The following COL2A1 variants were observed in gnomAD, a reference collection of about 807,000 sequenced individuals.
COL2A1 encodes the protein collagen alpha-1(II) chain.
In COL2A1, 28 loss-of-function variants were observed where a neutral mutation model predicts 204.5. That is an observed-to-expected ratio of 0.14 (90% CI 0.10 to 0.19). The LOEUF (loss-of-function observed/expected upper bound fraction) is 0.19, where lower values mean the gene tolerates loss of function less well. Among genes scored for constraint, COL2A1 ranks in the 10% least tolerant of loss-of-function variants. The probability of loss-of-function intolerance (pLI) is 1.00; values close to 1 mark genes in which losing one functional copy is unlikely to be tolerated. For missense variants in COL2A1, 1,388 were observed against 2,027.5 expected (o/e 0.68, Z 6.06); for synonymous variants, 708 against 718.7 (o/e 0.99, Z 0.24).
chr12:47,987,751 G>A lies in COL2A1; in HGVS notation c.1123-42C>T. The A allele has an allele frequency of 1.3e-6, 2 of 1,486,770 alleles. No homozygotes were observed. The highest frequency in any genetic ancestry group is 1.8e-5 in the Admixed American group (1 of 56,314). The allele number at this position is 1,486,770 out of a possible 1,614,324, so 92.1% of individuals were successfully genotyped here. On this transcript the variant is annotated intron_variant, in intron 18 of 53. Transcript: ENST00000380518. This position sits in a 1 kb window ranked among gnomAD's most constrained non-coding sequence, Gnocchi z 4.1. ...AGGATGAAATGAAGAAGAAGAGAGG[G>A]GACACAGACCTCTAGTGGGTGGGCA...
At chr12:47,999,211 T>C (rs900399318) in intron 2 of COL2A1, among the ~76,000 whole-genome samples, 4 of 152,194 alleles carry the variant, frequency 2.6e-5, no homozygotes, top group Admixed American at 2.6e-4. Flanking sequence ...GTATGAATGC[T>C]GGGAAGGGGT....
rs1938698812 is a variant in COL2A1, at chr12:47,976,197, T to C, written c.3490-127A>G. 5 of 774,186 alleles carry C rather than the reference T, an allele frequency of 6.5e-6. No homozygotes were observed. In the Admixed American group the frequency reaches 9.5e-5, roughly 15 times the overall value. 48.0% of individuals were successfully genotyped at this position (774,186 alleles called of 1,614,324 possible). A position where few individuals can be genotyped will look rare whatever the true frequency, so the allele number is the denominator to read the frequency against. ...CGCCCCCAGTTCTTCACATGCTCAG[T>C]CATGGAACCCTAAGTTGGTCTCTAT... On this transcript the variant is annotated intron_variant, in intron 49 of 53. Coordinates refer to ENST00000380518, the MANE Select transcript of COL2A1 (RefSeq NM_001844.5). This position sits in a 1 kb window ranked among gnomAD's most constrained non-coding sequence, Gnocchi z 4.3.
Position 47,987,547 on chromosome 12 carries a change from A to T in COL2A1, c.1221+64T>A. The T allele has an allele frequency of 7.1e-7, 1 of 1,403,660 alleles. No individual in the cohort carries two copies. The highest frequency in any genetic ancestry group is 9.9e-7 in the Non-Finnish European group (1 of 1,006,392). 87.0% of individuals were successfully genotyped at this position (1,403,660 alleles called of 1,614,324 possible). On this transcript the variant is annotated intron_variant, in intron 19 of 53. Coordinates refer to ENST00000380518, the MANE Select transcript of COL2A1 (RefSeq NM_001844.5). This position sits in a 1 kb window ranked among gnomAD's most constrained non-coding sequence, Gnocchi z 4.1. Reference sequence around the variant, plus strand: ...GCCCACAACTGTCAGAGCAAAGTACAGAGTCAAGAGTTCCAAAGCCACAGA... The same window carrying T: ...GCCCACAACTGTCAGAGCAAAGTACTGAGTCAAGAGTTCCAAAGCCACAGA...
chr12:47,980,069 A>G lies in COL2A1; in HGVS notation c.2626-7T>C. 1 of 1,553,022 alleles carries G rather than the reference A, an allele frequency of 6.4e-7. No homozygotes were observed. The highest frequency in any genetic ancestry group is 8.7e-7 in the Non-Finnish European group (1 of 1,148,054). On this transcript the variant is annotated splice_region_variant and splice_polypyrimidine_tract_variant and intron_variant, in intron 39 of 53. Coordinates refer to ENST00000380518, the MANE Select transcript of COL2A1 (RefSeq NM_001844.5). The surrounding 1 kb of genome is among the most constrained non-coding windows in gnomAD (Gnocchi z 4.5). ...CAGTCACTCCAGTAGGACCCTGGAAAGGAAAGAGGGAGACAGTGAGGCCCA... is the reference window on the plus strand; with the variant it reads ...CAGTCACTCCAGTAGGACCCTGGAAGGGAAAGAGGGAGACAGTGAGGCCCA...
intron 18 of COL2A1, among the ~76,000 whole-genome samples, chr12:47,988,250 A>T (rs965075010): frequency 6.6e-6 from 1 of 152,108 alleles, no homozygotes; most frequent in Non-Finnish European, 1.5e-5. Flanking sequence ...CCAGAAAGCC[A>T]AGGCAAAAGC....
chr12:47,977,795 G>A (rs1938807069), intron 44 of COL2A1, 142 bp from the exon 45 acceptor site: 1 of 1,052,000 alleles, frequency 9.5e-7, no homozygotes, highest in African/African-American at 1.6e-5. Flanking sequence ...TCCTCACCAA[G>A]TTTCCCTCCT....
chr12:47,987,767 T>C lies in COL2A1; in HGVS notation c.1123-58A>G, dbSNP rs943571709. 6 of 1,396,170 alleles carry C rather than the reference T, an allele frequency of 4.3e-6. 1 individual carries two copies. Among genetic ancestry groups the C allele is most frequent in the Admixed American group, 1.9e-5 (1 of 53,972 alleles). 86.5% of individuals were successfully genotyped at this position (1,396,170 alleles called of 1,614,324 possible). ...GAAGAGAGGGGACACAGACCTCTAG[T>C]GGGTGGGCAATAGCTCAGGGCCAGC... On this transcript the variant is annotated intron_variant, in intron 18 of 53. Transcript: ENST00000380518. The surrounding 1 kb of genome is among the most constrained non-coding windows in gnomAD (Gnocchi z 4.1).
rs763297355 is a variant in COL2A1 at position 47,982,118 on chromosome 12, C to T, written c.2344G>A (p.Asp782Asn). Reference sequence around the variant, plus strand: ...CCGCATTCACTTACTCGTCCACCATCCTTTCCAGGGGCTCCCTCAGGGCCT... The same window carrying T: ...CCGCATTCACTTACTCGTCCACCATTCTTTCCAGGGGCTCCCTCAGGGCCT... The part of the protein sequence containing the change: ...EKGPEGAPGK[D>N]GGRGLTGPIG... The change falls in exon 35 of 54, where the codon GAT (aspartate) becomes AAT (asparagine). Residue 782 changes from aspartate to asparagine, a missense_variant. Asp to Asn is a conservative substitution (Grantham distance 23). This residue lies in a region of COL2A1 where 884 missense variants were observed against 1,415.8 expected (regional missense o/e 0.62). Coordinates refer to ENST00000380518, the MANE Select transcript of COL2A1 (RefSeq NM_001844.5). 1 of 1,614,118 alleles carries T rather than the reference C, an allele frequency of 6.2e-7. No homozygotes were observed. The highest frequency in any genetic ancestry group is 8.5e-7 in the Non-Finnish European group (1 of 1,179,972).
chr12:47,984,040 C>T (rs369302583), intron 29 of COL2A1, 47 bp downstream of exon 29: 68 of 1,564,624 alleles, frequency 4.3e-5, no homozygotes, highest in Non-Finnish European at 5.5e-5. Context: ...CCACCCCTCC[C>T]AGCCCCTGCC....
At chr12:47,990,655 A>T (rs1187131414) in intron 16 of COL2A1, among the ~76,000 whole-genome samples, 1 of 152,000 alleles carries the variant, frequency 6.6e-6, no homozygotes, top group Non-Finnish European at 1.5e-5. Flanking sequence ...GCAGGGCACC[A>T]GCCACAGCTC....
intron 14 of COL2A1, 49 bp from the exon 15 acceptor site, chr12:47,993,551 G>A (rs41317905): frequency 2.5e-5 from 39 of 1,530,916 alleles, no homozygotes; most frequent in African/African-American, 1.8e-4. Flanking sequence ...ATTCTTGGCC[G>A]CCAGCAAACT....
chr12:47,994,191 C>T, intron 12 of COL2A1, 144 bp from the exon 13 acceptor site: 2 of 1,059,508 alleles, frequency 1.9e-6, no homozygotes, highest in Non-Finnish European at 2.9e-6. Flanking sequence ...TTCTGTAAAA[C>T]CCAGACCACC....
At chr12:47,984,334 C>A (rs932861063) in intron 28 of COL2A1, among the ~76,000 whole-genome samples, 194 bp from the exon 29 acceptor site, 2 of 152,168 alleles carry the variant, frequency 1.3e-5, no homozygotes, top group Non-Finnish European at 2.9e-5. Flanking sequence ...AGCATGGAAG[C>A]CTTCCCCAGC....
In COL2A1 at chr12:47,992,418, A is replaced by G. The variant is rs1385033078; in HGVS notation, c.1023+460T>C. Among the ~76,000 whole-genome samples, 3 of 152,356 alleles carry G rather than the reference A, an allele frequency of 2.0e-5. 1 individual carries two copies. In the South Asian group the frequency reaches 6.2e-4, roughly 32 times the overall value. ...AGGGTATTAAACACAGGAAGTGCCT[A>G]TGGAATGGTGGCCCCTGGTACTATA... On this transcript the variant is annotated intron_variant, in intron 16 of 53. Coordinates refer to ENST00000380518, the MANE Select transcript of COL2A1 (RefSeq NM_001844.5).
At chr12:47,981,994 C>T in intron 35 of COL2A1, 113 bp downstream of exon 35, 1 of 1,320,026 alleles carries the variant, frequency 7.6e-7, no homozygotes, top group Non-Finnish European at 1.1e-6. Flanking sequence ...CCAGCCCCGA[C>T]AGAGACAGGA....
Position 47,973,307 on chromosome 12 carries a change from A to G in COL2A1, c.*100T>C. Reference sequence around the variant, plus strand: ...GGGTGGGATGAATGGACATCAGGTCAGGTCAGCCATTCAGTGCAGAGTCCT... The same window carrying G: ...GGGTGGGATGAATGGACATCAGGTCGGGTCAGCCATTCAGTGCAGAGTCCT... On this transcript the variant is annotated 3_prime_UTR_variant, in exon 54 of 54. Coordinates refer to ENST00000380518, the MANE Select transcript of COL2A1 (RefSeq NM_001844.5). 6.7e-7 allele frequency: 1 copy of G among 1,482,460 alleles called. No homozygotes were observed. The highest frequency in any genetic ancestry group is 9.4e-7 in the Non-Finnish European group (1 of 1,059,952). The allele number at this position is 1,482,460 out of a possible 1,614,324, so 91.8% of individuals were successfully genotyped here. A position where few individuals can be genotyped will look rare whatever the true frequency, so the allele number is the denominator to read the frequency against.
chr12:48,004,523 G>C, upstream of COL2A1: 1 of 506,752 alleles, frequency 2.0e-6, no homozygotes, highest in Non-Finnish European at 3.5e-6. Flanking sequence ...GGCCCCTTTC[G>C]AGGCTGGCGA....
rs1938963270 is a variant in COL2A1 at position 47,980,081 on chromosome 12, GA to G, written c.2626-20del. The G allele has an allele frequency of 6.4e-7, 1 of 1,550,740 alleles. No individual in the cohort carries two copies. Among genetic ancestry groups the G allele is most frequent in the African/African-American group, 1.4e-5 (1 of 73,030 alleles). ...TAGGACCCTGGAAAGGAAAGAGGGAGACAGTGAGGCCCAGTGGCCCAAGGAA... is the reference window on the plus strand; with the variant it reads ...TAGGACCCTGGAAAGGAAAGAGGGAGCAGTGAGGCCCAGTGGCCCAAGGAA... On this transcript the variant is annotated intron_variant, in intron 39 of 53. Transcript: ENST00000380518. The surrounding 1 kb of genome is among the most constrained non-coding windows in gnomAD (Gnocchi z 4.5).
chr12:48,005,398 G>A (rs917278814), upstream of COL2A1: 2 of 152,484 alleles, frequency 1.3e-5, no homozygotes, highest in Non-Finnish European at 2.9e-5. Flanking sequence ...GGAGTCCCCC[G>A]GGGAGTGGGC....
Sources: gnomAD v4.1 joint callset for allele counts (sites outside exome capture counted in the v4.1 genomes callset) on GRCh38, gnomAD v4.1.1 for gene constraint, gnomAD v4.1.1 regional missense constraint, Gnocchi (gnomAD v3.1) non-coding constraint, MANE v1.5 for transcripts, NCBI Gene and HGNC (gene_info 2026-07-23, HGNC 2026-07-21) for gene names.